Variants in C2CD5 observed in about 807,000 individuals in gnomAD.
The protein encoded by C2CD5 is C2 calcium dependent domain containing 5.
C2CD5 carries 109 observed loss-of-function variants against 130.3 expected under a neutral mutation model. That is an observed-to-expected ratio of 0.84 (90% CI 0.72 to 0.98). The LOEUF (loss-of-function observed/expected upper bound fraction) is 0.98, where lower values mean the gene tolerates loss of function less well. Ranked by LOEUF, C2CD5 falls within the 50% of genes least tolerant of loss-of-function variation. The pLI, the probability that C2CD5 is intolerant of heterozygous loss-of-function variation, is 0.00. For synonymous variants in C2CD5, 454 were observed against 429.2 expected (o/e 1.06, Z -0.71); for missense variants, 996 against 1,261.8 (o/e 0.79, Z 3.19).
At chr12:22,470,100 T>C (rs1232430484) in intron 21 of C2CD5, among the ~76,000 whole-genome samples, 1 of 152,142 alleles carries the variant, frequency 6.6e-6, no homozygotes, top group Non-Finnish European at 1.5e-5. Context: ...ACTTTGTCCA[T>C]TACTAGCTTT....
intron 8 of C2CD5, among the ~76,000 whole-genome samples, chr12:22,516,233 A>G (rs1457414709): frequency 6.6e-6 from 1 of 151,950 alleles, no homozygotes; most frequent in African/African-American, 2.4e-5. Flanking sequence ...TAGAATTTTT[A>G]TAACAATCAC....
At chr12:22,494,227 TC>T (rs1156528145) in intron 10 of C2CD5, among the ~76,000 whole-genome samples, 1 of 152,058 alleles carries the variant, frequency 6.6e-6, no homozygotes, top group Non-Finnish European at 1.5e-5. Context: ...ATAATTTATT[TC>T]TTTTTGTGGC....
In C2CD5 at chr12:22,482,603, A is replaced by G. The variant is rs1332000546; in HGVS notation, c.1691T>C (p.Leu564Pro). The G allele has an allele frequency of 6.2e-7, 1 of 1,613,666 alleles. No homozygotes were observed. The highest frequency in any genetic ancestry group is 1.1e-5 in the South Asian group (1 of 91,074). ...KLKGMNALFG[L>P]RIQITVGENM... ...TTCACCCACTGTGATCTGAATTCTT[A>G]GTCCAAACAAAGCATTCATTCCTTT... Residue 564 changes from leucine to proline, a missense_variant, in exon 14 of 27, where the codon CTA becomes CCA. Physicochemically the swap from Leu to Pro is moderately conservative, Grantham distance 98 (BLOSUM62 -3). Around this residue, in one of 9 missense-constraint regions of C2CD5, gnomAD observed 590 missense variants for 631.4 expected, o/e 0.93. Transcript: ENST00000446597.
intron 10 of C2CD5, among the ~76,000 whole-genome samples, chr12:22,503,789 G>A (rs1948117652): frequency 1.3e-5 from 2 of 152,228 alleles, no homozygotes; most frequent in African/African-American, 4.8e-5. Flanking sequence ...TGGGATTACA[G>A]GTGTAAGCAA....
intron 10 of C2CD5, chr12:22,497,564 TA>T: frequency 1.1e-6 from 1 of 900,630 alleles, no homozygotes; most frequent in Middle Eastern, 5.7e-4. Flanking sequence ...TATAAAAAGC[TA>T]TATTCCCAAA....
Position 22,453,886 on chromosome 12 carries a change from T to C in C2CD5, c.3024+10A>G. ...TTCCCGCCAATCAGGAATTTTTAACTGCATCTTACCTGGTTTTTATTTGGA... is the reference window on the plus strand; with the variant it reads ...TTCCCGCCAATCAGGAATTTTTAACCGCATCTTACCTGGTTTTTATTTGGA... On this transcript the variant is annotated intron_variant, in intron 26 of 26. Transcript: ENST00000446597. 1 of 1,608,452 alleles carries C rather than the reference T, an allele frequency of 6.2e-7. No individual in the cohort carries two copies. Among genetic ancestry groups the C allele is most frequent in the Non-Finnish European group, 8.5e-7 (1 of 1,176,548 alleles).
intron 10 of C2CD5, chr12:22,502,605 C>A: frequency 2.2e-6 from 1 of 461,950 alleles, no homozygotes; most frequent in Non-Finnish European, 3.8e-6. Context: ...AGAGTTATTA[C>A]ATACGTAGCA....
chr12:22,533,161 A>AG (rs1951474115), intron 3 of C2CD5, among the ~76,000 whole-genome samples: 2 of 152,066 alleles, frequency 1.3e-5, no homozygotes, highest in African/African-American at 4.8e-5. Context: ...TAACTTGGGA[A>AG]GGGGGGGTGG....
At chr12:22,521,680 T>G (rs2137004714) in intron 7 of C2CD5, among the ~76,000 whole-genome samples, 1 of 152,298 alleles carries the variant, frequency 6.6e-6, no homozygotes, top group East Asian at 1.9e-4. Context: ...ATAAAGCAAA[T>G]TCATTCTTCG....
chr12:22,476,752 A>G (rs1422912726), intron 15 of C2CD5, among the ~76,000 whole-genome samples: 1 of 152,126 alleles, frequency 6.6e-6, no homozygotes, highest in African/African-American at 2.4e-5. Context: ...GTTAGAGGTC[A>G]GGATGGATTT....
chr12:22,520,358 C>G (rs917476011), intron 7 of C2CD5, among the ~76,000 whole-genome samples: 1 of 152,078 alleles, frequency 6.6e-6, no homozygotes, highest in Non-Finnish European at 1.5e-5. Context: ...GGAACATTCC[C>G]CAATTCACAA....
chr12:22,482,307 G>T (rs1460054582), intron 14 of C2CD5, among the ~76,000 whole-genome samples: 2 of 152,074 alleles, frequency 1.3e-5, no homozygotes, highest in South Asian at 2.1e-4. Flanking sequence ...AAAAACTGTG[G>T]CCAACTTATT....
chr12:22,504,814 C>T (rs141430107), intron 10 of C2CD5, among the ~76,000 whole-genome samples: 106 of 150,654 alleles, frequency 7.0e-4, no homozygotes, highest in African/African-American at 2.3e-3. Flanking sequence ...AATTCAAGTT[C>T]CTTAACACAA....
chr12:22,505,387 G>C (rs1948395238), intron 10 of C2CD5, among the ~76,000 whole-genome samples: 2 of 151,406 alleles, frequency 1.3e-5, no homozygotes, highest in Non-Finnish European at 2.9e-5. Context: ...TTCCCAAGTA[G>C]CTGGGATTAC....
At chr12:22,528,837 T>G (rs1161639682) in intron 3 of C2CD5, among the ~76,000 whole-genome samples, 1 of 152,102 alleles carries the variant, frequency 6.6e-6, no homozygotes. Flanking sequence ...TATGAAACAT[T>G]TATGCCTTTC....
At chr12:22,482,777 T>C (rs747038120) in intron 13 of C2CD5, 34 bp from the exon 14 acceptor site, 2 of 1,505,350 alleles carry the variant, frequency 1.3e-6, no homozygotes, top group Non-Finnish European at 1.8e-6. Flanking sequence ...AACAGTATTC[T>C]TGGTACCACC....
intron 9 of C2CD5, among the ~76,000 whole-genome samples, chr12:22,509,730 T>C (rs1948976718): frequency 6.6e-6 from 1 of 152,220 alleles, no homozygotes; most frequent in Non-Finnish European, 1.5e-5. Context: ...TGTATAACCT[T>C]TCCCATATGA....
intron 24 of C2CD5, among the ~76,000 whole-genome samples, chr12:22,458,062 G>GT (rs1460839387): frequency 6.6e-6 from 1 of 152,082 alleles, no homozygotes; most frequent in African/African-American, 2.4e-5. Context: ...GATTCTAGCA[G>GT]TAAGGTAATA....
intron 9 of C2CD5, among the ~76,000 whole-genome samples, chr12:22,510,432 T>C (rs1949059055): frequency 6.6e-6 from 1 of 152,164 alleles, no homozygotes; most frequent in South Asian, 2.1e-4. Context: ...CAAAGACAGG[T>C]TAGTTGAAAA....
Sources: allele counts gnomAD v4.1 joint callset (sites outside exome capture counted in the v4.1 genomes callset), GRCh38; gene constraint gnomAD v4.1.1; regional missense constraint gnomAD v4.1.1; transcripts MANE v1.5; gene names NCBI Gene and HGNC (gene_info 2026-07-23, HGNC 2026-07-21).